ANK2: variants seen among roughly 807,000 people sequenced by gnomAD.
The protein encoded by ANK2 is ankyrin 2, also known as ankyrin-2.
In ANK2, 83 loss-of-function variants were observed where a neutral mutation model predicts 360.5. The observed-to-expected ratio is 0.23, with a 90% confidence interval of 0.19 to 0.28. The LOEUF is 0.28. Among genes scored for constraint, ANK2 ranks in the 10% least tolerant of loss-of-function variants. The pLI, the probability that ANK2 is intolerant of heterozygous loss-of-function variation, is 1.00. For synonymous variants in ANK2, 1,740 were observed against 1,759.5 expected, an observed-to-expected ratio of 0.99 and a Z score of 0.28; for missense variants, 4,201 against 4,795.7, an observed-to-expected ratio of 0.88 and a Z score of 3.66.
the ANK2 span, among the ~76,000 whole-genome samples, chr4:112,743,377 T>G: frequency 1.3e-5 from 2 of 152,212 alleles, no homozygotes; most frequent in Middle Eastern, 3.4e-3. Flanking sequence ...TAAAAGACTA[T>G]GATGTCTTTT....
At chr4:113,097,115 T>C (rs75358835) in intron 1 of ANK2, among the ~76,000 whole-genome samples, 2,396 of 148,076 alleles carry the variant, frequency 0.016, 293 homozygotes, top group African/African-American at 0.059. Flanking sequence ...TTTTATATCA[T>C]TAGATTTTCT....
intron 1 of ANK2, among the ~76,000 whole-genome samples, chr4:113,095,759 A>G (rs1406002643): frequency 2.0e-5 from 3 of 152,198 alleles, no homozygotes; most frequent in Non-Finnish European, 2.9e-5. Context: ...GTATAAATAC[A>G]TTTGTACTCT....
At position 112,951,061 on chromosome 4, in the gene ANK2, G is replaced by C. The variant is rs1040188237; in HGVS notation, c.21+46547G>C. Among the ~76,000 whole-genome samples, 70 of 117,818 alleles carry C rather than the reference G, an allele frequency of 5.9e-4. 1 individual carries two copies. The East Asian group carries it at 0.017, about 28-fold the overall frequency. The allele number at this position is 117,818 out of a possible 152,430, so 77.3% of individuals were successfully genotyped here. Reference sequence around the variant, plus strand: ...CCCGCCACTGCACTCCAGCCTGGGCGACAGAGCGAGCCTCCGTCTCAAAAA... The same window carrying C: ...CCCGCCACTGCACTCCAGCCTGGGCCACAGAGCGAGCCTCCGTCTCAAAAA... On this transcript the variant is annotated intron_variant, in intron 2 of 30. Coordinates refer to the ANK2 transcript ENST00000503271.
Position 112,991,615 on chromosome 4 carries a change from C to CTTTT in ANK2, c.21+87104_21+87105insTTTT, listed in dbSNP as rs1363502696. Among the ~76,000 whole-genome samples the CTTTT allele has an allele frequency of 2.6e-3, 207 of 80,594 alleles. 1 individual carries two copies. Among genetic ancestry groups the CTTTT allele is most frequent in the African/African-American group, 4.6e-3 (111 of 24,310 alleles). 52.9% of individuals were successfully genotyped at this position (80,594 alleles called of 152,430 possible). A position where few individuals can be genotyped will look rare whatever the true frequency, so the allele number is the denominator to read the frequency against. Reference sequence around the variant, plus strand: ...CTTTTTTTTTTCTTTTCTTTTCTTTCTTTCTTTTTTTTTTTTTTTTGCAAT... The same window carrying CTTTT: ...CTTTTTTTTTTCTTTTCTTTTCTTTCTTTTTTTCTTTTTTTTTTTTTTTTGCAAT... On this transcript the variant is annotated intron_variant, in intron 2 of 30. Transcript: ENST00000503271.
At chr4:112,995,071 T>C (rs932942294) in intron 2 of ANK2, among the ~76,000 whole-genome samples, 1 of 152,242 alleles carries the variant, frequency 6.6e-6, no homozygotes, top group Admixed American at 6.5e-5. Flanking sequence ...TGAACATACA[T>C]ATGAGTGCAT....
At chr4:112,972,597 G>A (rs925652440) in intron 2 of ANK2, among the ~76,000 whole-genome samples, 2 of 152,006 alleles carry the variant, frequency 1.3e-5, no homozygotes, top group South Asian at 2.1e-4. Context: ...CCACGTACAC[G>A]GGACGTTACA....
At chr4:113,003,915 C>T (rs972441583) in intron 2 of ANK2, among the ~76,000 whole-genome samples, 1 of 152,180 alleles carries the variant, frequency 6.6e-6, no homozygotes, top group African/African-American at 2.4e-5. Context: ...GTACTGAATA[C>T]TGTAGCAATC....
intron 2 of ANK2, among the ~76,000 whole-genome samples, chr4:113,042,860 T>G (rs1248320065): frequency 6.6e-6 from 1 of 152,220 alleles, no homozygotes; most frequent in African/African-American, 2.4e-5. Flanking sequence ...CCACTTTCTC[T>G]CAGAGACTTT....
chr4:113,350,765 T>C (rs909653326), intron 37 of ANK2: 17 of 153,622 alleles, frequency 1.1e-4, no homozygotes, highest in Admixed American at 3.2e-4. Context: ...CACTTTTTAC[T>C]GTGGTGAAGT....
chr4:112,723,819 A>G, the ANK2 span, among the ~76,000 whole-genome samples: 24 of 152,288 alleles, frequency 1.6e-4, no homozygotes, highest in South Asian at 6.2e-4. Context: ...ACAAACAAAT[A>G]TGGTTCTTGA....
intron 32 of ANK2, among the ~76,000 whole-genome samples, chr4:113,340,711 AAAAC>A (rs1199691282): frequency 5.0e-5 from 7 of 140,690 alleles, no homozygotes; most frequent in East Asian, 2.0e-4. Context: ...AACAAAGCAA[AAAAC>A]AAACAAACAA....
chr4:112,847,556 AC>A (rs1488641665), intron 1 of ANK2, among the ~76,000 whole-genome samples: 2 of 152,148 alleles, frequency 1.3e-5, no homozygotes, highest in African/African-American at 4.8e-5. Flanking sequence ...TGTCCTCTGC[AC>A]GGCTACCATA....
Position 112,957,928 on chromosome 4 carries a change from A to G in ANK2, c.21+53414A>G, listed in dbSNP as rs866981821. ...TCACCTCCCAGACGGGGTCGCGGCCAGGTAGAGGCGCTCCTCACATCCCAG... is the reference window on the plus strand; with the variant it reads ...TCACCTCCCAGACGGGGTCGCGGCCGGGTAGAGGCGCTCCTCACATCCCAG... On this transcript the variant is annotated intron_variant, in intron 2 of 30. Transcript: ENST00000503271. Among the ~76,000 whole-genome samples the G allele has an allele frequency of 2.4e-3, 335 of 138,802 alleles. 4 individuals are homozygous for G. The highest frequency in any genetic ancestry group is 8.7e-3 in the African/African-American group (318 of 36,474). 91.1% of individuals were successfully genotyped at this position (138,802 alleles called of 152,430 possible). A position where few individuals can be genotyped will look rare whatever the true frequency, so the allele number is the denominator to read the frequency against.
the ANK2 span, among the ~76,000 whole-genome samples, chr4:112,777,326 C>T: frequency 6.6e-6 from 1 of 151,916 alleles, no homozygotes; most frequent in African/African-American, 2.4e-5. Context: ...GCAAGCTCCG[C>T]CTCCTGGATT....
chr4:112,712,817 G>A, the ANK2 span, among the ~76,000 whole-genome samples: 2 of 152,162 alleles, frequency 1.3e-5, no homozygotes, highest in Non-Finnish European at 2.9e-5. Context: ...AATAAATATA[G>A]TTATGTATTG....
chr4:113,264,020 C>T (rs1021745270), intron 13 of ANK2, among the ~76,000 whole-genome samples: 1 of 152,156 alleles, frequency 6.6e-6, no homozygotes, highest in African/African-American at 2.4e-5. Context: ...AACAAAGATA[C>T]CTGAGGCATG....
At chr4:112,753,660 A>T in the ANK2 span, among the ~76,000 whole-genome samples, 30 of 152,202 alleles carry the variant, frequency 2.0e-4, no homozygotes, top group Non-Finnish European at 2.5e-4. Context: ...CAAGATGGCC[A>T]TGAGAGTGAC....
At chr4:113,197,853 A>G (rs11939440) in intron 3 of ANK2, among the ~76,000 whole-genome samples, 8,944 of 152,222 alleles carry the variant, frequency 0.059, 886 homozygotes, top group African/African-American at 0.2. Context: ...CATCAAATAC[A>G]TTTTAAACAA....
chr4:112,987,042 C>A (rs2045130627), intron 2 of ANK2, among the ~76,000 whole-genome samples: 1 of 151,992 alleles, frequency 6.6e-6, no homozygotes, highest in African/African-American at 2.4e-5. Context: ...AAAACACACA[C>A]AAAAAAAATT....
Sources: gnomAD v4.1 joint callset for allele counts (sites outside exome capture counted in the v4.1 genomes callset) on GRCh38, gnomAD v4.1.1 for gene constraint, MANE v1.5 for transcripts, NCBI Gene and HGNC (gene_info 2026-07-23, HGNC 2026-07-21) for gene names.